The following SLC24A1 variants were observed in gnomAD, a reference collection of about 807,000 sequenced individuals.
SLC24A1 encodes sodium/potassium/calcium exchanger 1.
Under a neutral mutation model 88.1 loss-of-function variants are expected in SLC24A1, and 52 were observed. That is an observed-to-expected ratio of 0.59 (90% CI 0.47 to 0.74). The LOEUF is 0.74. Ranked by LOEUF, SLC24A1 falls within the 30% of genes least tolerant of loss-of-function variation. The pLI is 0.00. For missense variants in SLC24A1, 1,173 were observed against 1,363.3 expected (o/e 0.86, Z 2.20); for synonymous variants, 455 against 498.0 (o/e 0.91, Z 1.15).
At chr15:65,643,045 TTCA>T in intron 4 of SLC24A1, 1 of 1,288,634 alleles carries the variant, frequency 7.8e-7, no homozygotes, top group Non-Finnish European at 1.0e-6. Flanking sequence ...TCAATTTGTT[TTCA>T]TCATTGTTGT....
chr15:65,656,743 G>C (rs894827327), downstream of SLC24A1, among the ~76,000 whole-genome samples: 5 of 152,172 alleles, frequency 3.3e-5, no homozygotes, highest in Admixed American at 6.5e-5. Flanking sequence ...TTCCTTGAAG[G>C]CCCTGATAAT....
chr15:65,629,878 AC>A (rs553150312), intron 2 of SLC24A1, among the ~76,000 whole-genome samples: 1,233 of 152,270 alleles, frequency 8.1e-3, no homozygotes, highest in Non-Finnish European at 0.014. Context: ...GAAGCTCCGT[AC>A]CCACACTCTT....
At chr15:65,635,446 CAAAAAAAAAA>C (rs56960432) in intron 2 of SLC24A1, among the ~76,000 whole-genome samples, 28 of 58,364 alleles carry the variant, frequency 4.8e-4, no homozygotes, top group Middle Eastern at 0.017. Context: ...ACTCCGTCTC[CAAAAAAAAAA>C]AAAAAAAAAA....
chr15:65,631,925 A>C (rs929621441), intron 2 of SLC24A1, among the ~76,000 whole-genome samples: 1 of 152,096 alleles, frequency 6.6e-6, no homozygotes, highest in Non-Finnish European at 1.5e-5. Flanking sequence ...TCCGCGTCCC[A>C]GGTTCAAGTG....
intron 2 of SLC24A1, among the ~76,000 whole-genome samples, chr15:65,613,706 G>A (rs934410545): frequency 6.6e-6 from 1 of 152,030 alleles, no homozygotes; most frequent in African/African-American, 2.4e-5. Context: ...GAGTGGTCTT[G>A]AACTCCTGAT....
chr15:65,660,051 C>T (rs1347514651), downstream of SLC24A1: 8 of 450,312 alleles, frequency 1.8e-5, no homozygotes, highest in Non-Finnish European at 3.2e-5. Context: ...CCAAAAGCCT[C>T]CCCCCTCTGA....
At chr15:65,637,429 T>TA (rs1273677479) in intron 2 of SLC24A1, among the ~76,000 whole-genome samples, 2 of 152,246 alleles carry the variant, frequency 1.3e-5, no homozygotes, top group East Asian at 3.9e-4. Flanking sequence ...CTGAATTTTA[T>TA]AAAAAATGGA....
chr15:65,625,204 C>T lies in SLC24A1; in HGVS notation c.1124C>T (p.Pro375Leu). ...WRLAKKPSTA[P>L]STSTTPTVRA... ...CTGGCAAAGAAACCTTCCACAGCAC[C>T]CAGCACCTCAACAACCCCTACGGTC... is the stretch of plus-strand genomic sequence containing the variant. The change falls in exon 2 of 10, where the codon CCC becomes CTC. Residue 375 changes from proline (P) to leucine (L), a missense_variant. Physicochemically the swap from Pro to Leu is moderately conservative, Grantham distance 98 (BLOSUM62 -3). Transcript: ENST00000261892. 1.2e-6 allele frequency: 2 copies of T among 1,613,950 alleles called. No individual in the cohort carries two copies. The highest frequency in any genetic ancestry group is 1.7e-6 in the Non-Finnish European group (2 of 1,179,888).
At chr15:65,647,983 G>A (rs1284799076) in intron 6 of SLC24A1, among the ~76,000 whole-genome samples, 3 of 152,160 alleles carry the variant, frequency 2.0e-5, no homozygotes, top group African/African-American at 4.8e-5. Flanking sequence ...CTTCAGGGCC[G>A]GGTGCGGTGG....
rs1252577689 is a variant in SLC24A1 at position 65,624,141 on chromosome 15, C to A, written c.61C>A (p.His21Asn). ...GTGGTTACTCCGGACAAAGCGGCTT[C>A]ATTGGAGTCGCCTCCTCTTCTTACT... ...ERWLLRTKRL[H>N]WSRLLFLLGM... is the part of the protein sequence containing the mutation. Residue 21 changes from histidine (H) to asparagine (N), a missense_variant, in exon 2 of 10, where the codon CAT (histidine) becomes AAT (asparagine). Physicochemically the swap from His to Asn is moderately conservative, Grantham distance 68 (BLOSUM62 1). Coordinates refer to ENST00000261892, the MANE Select transcript of SLC24A1 (RefSeq NM_004727.3). 2.1e-5 allele frequency: 34 copies of A among 1,613,212 alleles called. No homozygotes were observed. Among genetic ancestry groups the A allele is most frequent in the Non-Finnish European group, 2.8e-5 (33 of 1,179,660 alleles).
intron 6 of SLC24A1, among the ~76,000 whole-genome samples, chr15:65,646,341 T>C (rs62014371): frequency 0.063 from 9,584 of 152,180 alleles, 318 homozygotes; most frequent in African/African-American, 0.092. Flanking sequence ...CCTCCCAAAG[T>C]GCTGGGATTA....
At chr15:65,626,604 C>T (rs1412749617) in intron 2 of SLC24A1, among the ~76,000 whole-genome samples, 1 of 152,208 alleles carries the variant, frequency 6.6e-6, no homozygotes, top group Non-Finnish European at 1.5e-5. Flanking sequence ...GCCCTTCTCT[C>T]TGTGCCCGCT....
intron 2 of SLC24A1, among the ~76,000 whole-genome samples, chr15:65,635,459 A>AAG (rs1444549279): frequency 6.7e-6 from 1 of 148,712 alleles, no homozygotes; most frequent in East Asian, 1.9e-4. Flanking sequence ...AAAAAAAAAA[A>AAG]AAAAAAAAAA....
chr15:65,622,942 A>G (rs1429434260), intron 1 of SLC24A1, among the ~76,000 whole-genome samples: 1 of 151,988 alleles, frequency 6.6e-6, no homozygotes, highest in Admixed American at 6.6e-5. Context: ...GGGTTTCACC[A>G]TGTTGGCCAG....
chr15:65,645,757 C>A, intron 6 of SLC24A1, 54 bp downstream of exon 6: 1 of 1,262,514 alleles, frequency 7.9e-7, no homozygotes, highest in Non-Finnish European at 1.1e-6. Context: ...GGAAGGAACT[C>A]TTGACCAAAA....
In SLC24A1 at chr15:65,656,012, T is replaced by A; in HGVS notation, c.*1933T>A. 1 of 985,370 alleles carries A rather than the reference T, an allele frequency of 1.0e-6. No individual in the cohort carries two copies. Among genetic ancestry groups the A allele is most frequent in the Non-Finnish European group, 1.2e-6 (1 of 829,916 alleles). 61.0% of individuals were successfully genotyped at this position (985,370 alleles called of 1,614,324 possible). ...ATGCTACTGCATTGCTGGGTTTCCATAGCCAAGGCCTAAGAACAGGAGGAG... is the reference window on the plus strand; with the variant it reads ...ATGCTACTGCATTGCTGGGTTTCCAAAGCCAAGGCCTAAGAACAGGAGGAG... On this transcript the variant is annotated 3_prime_UTR_variant, in exon 10 of 10. Transcript: ENST00000261892.
intron 6 of SLC24A1, among the ~76,000 whole-genome samples, chr15:65,647,475 CAAAAAAAAA>C (rs199501932): frequency 6.3e-4 from 51 of 81,186 alleles, no homozygotes; most frequent in African/African-American, 2.1e-3. Context: ...GAGACTGTCT[CAAAAAAAAA>C]AAAAAAAAAA....
intron 2 of SLC24A1, among the ~76,000 whole-genome samples, chr15:65,634,677 C>A (rs2074844042): frequency 6.8e-6 from 1 of 147,748 alleles, no homozygotes; most frequent in African/African-American, 2.5e-5. Flanking sequence ...ATAGATTTGA[C>A]CTCATTTCCT....
chr15:65,655,541 T>A lies in SLC24A1; in HGVS notation c.*1462T>A, dbSNP rs1198920454. The A allele has an allele frequency of 1.0e-6, 1 of 985,312 alleles. No individual in the cohort carries two copies. The highest frequency in any genetic ancestry group is 1.7e-5 in the African/African-American group (1 of 57,244). The allele number at this position is 985,312 out of a possible 1,614,324, so 61.0% of individuals were successfully genotyped here. A position where few individuals can be genotyped will look rare whatever the true frequency, so the allele number is the denominator to read the frequency against. ...CCACTGCTTGCTGCTTTTACTAGAATCAAGTTAAGGGACACGTTAGAAATA... is the reference window on the plus strand; with the variant it reads ...CCACTGCTTGCTGCTTTTACTAGAAACAAGTTAAGGGACACGTTAGAAATA... On this transcript the variant is annotated 3_prime_UTR_variant, in exon 10 of 10. Coordinates refer to ENST00000261892, the MANE Select transcript of SLC24A1 (RefSeq NM_004727.3).
Sources: allele counts gnomAD v4.1 joint callset (sites outside exome capture counted in the v4.1 genomes callset), GRCh38; gene constraint gnomAD v4.1.1; transcripts MANE v1.5; gene names NCBI Gene and HGNC (gene_info 2026-07-23, HGNC 2026-07-21).